Variants in PKP4 observed in about 807,000 individuals in gnomAD.
The protein encoded by PKP4 is plakophilin 4.
A neutral mutation model predicts 145.1 loss-of-function variants in PKP4; 90 were observed. The ratio of observed to expected loss-of-function variants is 0.62; its 90% CI spans 0.52 to 0.74. PKP4 has a LOEUF of 0.74. Ranked by LOEUF, PKP4 falls within the 30% of genes least tolerant of loss-of-function variation. The pLI, the probability that PKP4 is intolerant of heterozygous loss-of-function variation, is 0.00. For missense variants in PKP4, 1,340 were observed against 1,482.7 expected (o/e 0.90, Z 1.58); for synonymous variants, 563 against 577.2 (o/e 0.98, Z 0.35).
chr2:158,671,751 C>G (rs1207791646), intron 17 of PKP4, among the ~76,000 whole-genome samples: 1 of 152,206 alleles, frequency 6.6e-6, no homozygotes, highest in African/African-American at 2.4e-5. Flanking sequence ...AGACAAGGTG[C>G]CAAACGAACA....
At chr2:158,528,137 G>A (rs907775263) in intron 1 of PKP4, among the ~76,000 whole-genome samples, 10 of 135,080 alleles carry the variant, frequency 7.4e-5, no homozygotes, top group East Asian at 4.4e-4. Flanking sequence ...CCATTACTGG[G>A]TATATACCCA....
At chr2:158,466,969 C>T (rs1690720958) in intron 1 of PKP4, among the ~76,000 whole-genome samples, 1 of 152,122 alleles carries the variant, frequency 6.6e-6, no homozygotes, top group Non-Finnish European at 1.5e-5. Context: ...ATTTAAAGCA[C>T]ATGAAGTTTT....
intron 17 of PKP4, among the ~76,000 whole-genome samples, chr2:158,670,377 T>C (rs947368635): frequency 6.6e-6 from 1 of 152,156 alleles, no homozygotes; most frequent in Non-Finnish European, 1.5e-5. Context: ...GGCCTGTTTT[T>C]ATAAGGGTGC....
chr2:158,500,037 A>C (rs1696319515), intron 1 of PKP4, among the ~76,000 whole-genome samples: 1 of 152,274 alleles, frequency 6.6e-6, no homozygotes, highest in Non-Finnish European at 1.5e-5. Context: ...CATGAAAGTC[A>C]TCCTCAATAC....
chr2:158,550,832 A>G (rs1368985726), intron 2 of PKP4, among the ~76,000 whole-genome samples: 1 of 152,250 alleles, frequency 6.6e-6, no homozygotes, highest in Non-Finnish European at 1.5e-5. Flanking sequence ...TACAAAATGA[A>G]TAATTTGAGA....
chr2:158,605,351 A>T (rs891819161), intron 4 of PKP4, among the ~76,000 whole-genome samples: 1 of 152,216 alleles, frequency 6.6e-6, no homozygotes, highest in African/African-American at 2.4e-5. Flanking sequence ...CTAATGAGTA[A>T]ATGAGGTGAA....
chr2:158,469,929 T>C (rs1691285062), intron 1 of PKP4, among the ~76,000 whole-genome samples: 1 of 152,202 alleles, frequency 6.6e-6, no homozygotes, highest in African/African-American at 2.4e-5. Flanking sequence ...GTTTTTCTTC[T>C]TCAGGGTCTA....
rs1398132357 is a variant in PKP4 at position 158,633,954 on chromosome 2, G to A, written c.1343-116G>A. On this transcript the variant is annotated intron_variant, in intron 8 of 21. Coordinates refer to ENST00000389759, the MANE Select transcript of PKP4 (RefSeq NM_003628.6). Reference sequence around the variant, plus strand: ...GTAGAATTTTAAAATCTAAAAGTAAGCGATTTATATAATTGCCAAAAAATA... The same window carrying A: ...GTAGAATTTTAAAATCTAAAAGTAAACGATTTATATAATTGCCAAAAAATA... 1.1e-5 allele frequency: 7 copies of A among 612,158 alleles called. No individual in the cohort carries two copies. The South Asian group carries it at 1.4e-4, about 13-fold the overall frequency. 37.9% of individuals were successfully genotyped at this position (612,158 alleles called of 1,614,324 possible).
intron 2 of PKP4, among the ~76,000 whole-genome samples, chr2:158,536,405 T>C (rs1195712341): frequency 6.6e-6 from 1 of 152,206 alleles, no homozygotes; most frequent in Admixed American, 6.5e-5. Context: ...CTTATAAAAT[T>C]AACCTGAATT....
chr2:158,594,742 G>A (rs781284133), intron 3 of PKP4, among the ~76,000 whole-genome samples: 1 of 151,960 alleles, frequency 6.6e-6, no homozygotes, highest in Non-Finnish European at 1.5e-5. Flanking sequence ...ATTTGGAAGG[G>A]GTTTCAAAAA....
At chr2:158,663,161 A>C (rs1208022290) in intron 14 of PKP4, 73 bp downstream of exon 14, 16 of 1,515,124 alleles carry the variant, frequency 1.1e-5, no homozygotes, top group African/African-American at 1.4e-5. Context: ...ATTTGGCAAG[A>C]AAATAAATTT....
chr2:158,625,488 G>A (rs1295224252), intron 7 of PKP4, 61 bp downstream of exon 7: 1 of 1,358,218 alleles, frequency 7.4e-7, no homozygotes, highest in Non-Finnish European at 1.0e-6. Flanking sequence ...TGTAACTTAA[G>A]TTGAAACAAA....
intron 1 of PKP4, among the ~76,000 whole-genome samples, chr2:158,507,586 C>G (rs938947873): frequency 1.4e-4 from 21 of 152,146 alleles, no homozygotes; most frequent in African/African-American, 4.6e-4. Context: ...GATTACAGGT[C>G]TTGACAGAGG....
chr2:158,492,334 A>G (rs574398966), intron 1 of PKP4, among the ~76,000 whole-genome samples: 3 of 152,286 alleles, frequency 2.0e-5, no homozygotes, highest in Admixed American at 1.3e-4. Flanking sequence ...CGAAAAAGCA[A>G]GTTATGCGAA....
At chr2:158,605,051 G>C (rs1285911599) in intron 4 of PKP4, among the ~76,000 whole-genome samples, 1 of 152,158 alleles carries the variant, frequency 6.6e-6, no homozygotes, top group Non-Finnish European at 1.5e-5. Flanking sequence ...CCCCCACTTT[G>C]TCACAGCATT....
intron 1 of PKP4, among the ~76,000 whole-genome samples, chr2:158,480,776 A>T (rs1301610606): frequency 6.6e-6 from 1 of 152,198 alleles, no homozygotes; most frequent in Non-Finnish European, 1.5e-5. Flanking sequence ...TTTTTAGTAC[A>T]TTCACAAAGT....
chr2:158,633,508 T>G (rs2053563674), intron 8 of PKP4, among the ~76,000 whole-genome samples: 1 of 152,226 alleles, frequency 6.6e-6, no homozygotes, highest in African/African-American at 2.4e-5. Context: ...ATCATGTTAC[T>G]CAGAATGGTG....
At chr2:158,603,980 A>G (rs921341917) in intron 4 of PKP4, among the ~76,000 whole-genome samples, 4 of 152,198 alleles carry the variant, frequency 2.6e-5, no homozygotes, top group Non-Finnish European at 5.9e-5. Context: ...CTGTCATACA[A>G]AGAAGTTCTT....
intron 2 of PKP4, among the ~76,000 whole-genome samples, chr2:158,576,310 T>G (rs2047843641): frequency 6.6e-6 from 1 of 152,244 alleles, no homozygotes; most frequent in African/African-American, 2.4e-5. Context: ...TTTCTAGATT[T>G]AATACTCATA....
Sources: gnomAD v4.1 joint callset for allele counts (sites outside exome capture counted in the v4.1 genomes callset) on GRCh38, gnomAD v4.1.1 for gene constraint, MANE v1.5 for transcripts, NCBI Gene and HGNC (gene_info 2026-07-23, HGNC 2026-07-21) for gene names.